MYOF: variants seen among roughly 807,000 people sequenced by gnomAD.
The protein encoded by MYOF is myoferlin.
A neutral mutation model predicts 284.2 loss-of-function variants in MYOF; 244 were observed. The ratio of observed to expected loss-of-function variants is 0.86; its 90% CI spans 0.77 to 0.95. MYOF has a LOEUF of 0.95. Ranked by LOEUF, MYOF falls within the 40% of genes least tolerant of loss-of-function variation. The pLI is 0.00. For missense variants in MYOF, 2,496 were observed against 2,560.6 expected, an observed-to-expected ratio of 0.97 and a Z score of 0.54; for synonymous variants, 904 against 919.7, an observed-to-expected ratio of 0.98 and a Z score of 0.31.
At chr10:93,450,407 A>C (rs2056557712) in intron 3 of MYOF, among the ~76,000 whole-genome samples, 1 of 150,430 alleles carries the variant, frequency 6.6e-6, no homozygotes, top group Non-Finnish European at 1.5e-5. Context: ...ACAAACAAAC[A>C]AACAAAAACC....
chr10:93,413,431 C>T (rs1309274770), intron 5 of MYOF, among the ~76,000 whole-genome samples: 1 of 152,194 alleles, frequency 6.6e-6, no homozygotes, highest in African/African-American at 2.4e-5. Context: ...AATGAGGGGG[C>T]CCCTATGGCA....
chr10:93,355,954 C>G (rs1387422087), intron 30 of MYOF, among the ~76,000 whole-genome samples: 1 of 152,158 alleles, frequency 6.6e-6, no homozygotes, highest in East Asian at 1.9e-4. Flanking sequence ...AAGTGGGAGC[C>G]AGCCCTCCTA....
At chr10:93,373,485 T>A (rs1291625768) in intron 23 of MYOF, among the ~76,000 whole-genome samples, 1 of 151,756 alleles carries the variant, frequency 6.6e-6, no homozygotes, top group Non-Finnish European at 1.5e-5. Context: ...CCAATATTTG[T>A]CAAATCTGAA....
intron 13 of MYOF, 105 bp downstream of exon 13, chr10:93,399,287 A>C: frequency 1.2e-6 from 1 of 826,460 alleles, no homozygotes; most frequent in Non-Finnish European, 1.9e-6. Context: ...CTGGCTCATC[A>C]GGGGGCTATT....
intron 43 of MYOF, among the ~76,000 whole-genome samples, chr10:93,332,616 C>T (rs978537058): frequency 2.0e-5 from 3 of 151,352 alleles, no homozygotes; most frequent in Non-Finnish European, 4.4e-5. Context: ...GAGGGCGAGG[C>T]GGGCAGATCA....
intron 40 of MYOF, among the ~76,000 whole-genome samples, 191 bp from the exon 41 acceptor site, chr10:93,336,237 C>G (rs1307394827): frequency 1.3e-5 from 2 of 152,134 alleles, no homozygotes; most frequent in Non-Finnish European, 2.9e-5. Flanking sequence ...AGTTAAGTAG[C>G]CACCTATTCT....
At chr10:93,423,892 G>C (rs2134183133) in intron 5 of MYOF, among the ~76,000 whole-genome samples, 1 of 151,798 alleles carries the variant, frequency 6.6e-6, no homozygotes, top group South Asian at 2.1e-4. Flanking sequence ...AGATCCTTGA[G>C]CCACTCAGGA....
chr10:93,359,839 G>A lies in MYOF; in HGVS notation c.3114C>T (p.Thr1038=), dbSNP rs750971795. The part of the protein sequence containing the change: ...KKDLTQTASS[T]ARAMEELQDQ... ...CTTCCCTTGCTTCTCTTACCCTTGC[G>A]GTGCTTGAAGCAGTCTGTGTTAAAT... is the stretch of plus-strand genomic sequence containing the variant. Residue 1038 remains threonine (T), a synonymous_variant, in exon 29 of 54, where the codon ACC becomes ACT. Coordinates refer to ENST00000359263, the MANE Select transcript of MYOF (RefSeq NM_013451.4). The A allele has an allele frequency of 9.3e-6, 15 of 1,614,018 alleles. No homozygotes were observed. In the African/African-American group the frequency reaches 1.1e-4, roughly 11 times the overall value.
At chr10:93,453,929 T>C (rs2056666460) in intron 2 of MYOF, among the ~76,000 whole-genome samples, 1 of 151,562 alleles carries the variant, frequency 6.6e-6, no homozygotes, top group African/African-American at 2.4e-5. Context: ...ATGCCTGTAA[T>C]CCCAGCACTT....
intron 17 of MYOF, among the ~76,000 whole-genome samples, 157 bp from the exon 18 acceptor site, chr10:93,389,311 T>C (rs1412766126): frequency 6.6e-6 from 1 of 152,224 alleles, no homozygotes; most frequent in Non-Finnish European, 1.5e-5. Context: ...TTGCCATATT[T>C]CTCTTTTCTT....
At chr10:93,409,532 T>A (rs138657834) in intron 6 of MYOF, 41 bp downstream of exon 6, 10 of 1,598,618 alleles carry the variant, frequency 6.3e-6, no homozygotes, top group Non-Finnish European at 7.7e-6. Flanking sequence ...ATGGGCAATA[T>A]AAAGATTAAA....
chr10:93,316,918 C>A, intron 49 of MYOF, 105 bp from the exon 50 acceptor site: 1 of 818,920 alleles, frequency 1.2e-6, no homozygotes, highest in South Asian at 1.6e-5. Flanking sequence ...CACCCCCACC[C>A]TGACACTCCC....
intron 1 of MYOF, among the ~76,000 whole-genome samples, chr10:93,477,819 C>T (rs1186566133): frequency 1.3e-5 from 2 of 152,182 alleles, no homozygotes; most frequent in African/African-American, 4.8e-5. Context: ...TGCACTCCAG[C>T]CTGGGTGACA....
intron 45 of MYOF, among the ~76,000 whole-genome samples, chr10:93,327,335 A>G (rs976344149): frequency 6.6e-6 from 1 of 152,096 alleles, no homozygotes; most frequent in Non-Finnish European, 1.5e-5. Flanking sequence ...TGAGCCACCC[A>G]GGCTCAAACC....
intron 18 of MYOF, among the ~76,000 whole-genome samples, chr10:93,388,137 G>A (rs73319664): frequency 0.029 from 4,391 of 150,558 alleles, 221 homozygotes; most frequent in African/African-American, 0.1. Flanking sequence ...GGATGCTAGG[G>A]CTGAAAAAGA....
intron 5 of MYOF, among the ~76,000 whole-genome samples, chr10:93,425,460 C>G (rs1353154032): frequency 1.3e-5 from 2 of 152,186 alleles, no homozygotes; most frequent in South Asian, 4.1e-4. Flanking sequence ...CCTGAGCCCT[C>G]AGCCCCAACC....
chr10:93,337,752 T>C, intron 40 of MYOF, 63 bp downstream of exon 40: 1 of 1,403,534 alleles, frequency 7.1e-7, no homozygotes, highest in Non-Finnish European at 1.0e-6. Flanking sequence ...TCCTCTTAGC[T>C]CTGCCTGTGG....
At chr10:93,462,738 C>CA (rs199830883) in intron 1 of MYOF, among the ~76,000 whole-genome samples, 7,294 of 116,672 alleles carry the variant, frequency 0.063, 384 homozygotes, top group East Asian at 0.27. Context: ...ACACATCAGG[C>CA]AAAAAAAAAA....
intron 3 of MYOF, among the ~76,000 whole-genome samples, chr10:93,433,004 G>A (rs145723108): frequency 6.7e-4 from 102 of 152,244 alleles, no homozygotes; most frequent in African/African-American, 2.3e-3. Context: ...GTGAAAAAGA[G>A]CCTGTAAATT....
Sources: allele counts gnomAD v4.1 joint callset (sites outside exome capture counted in the v4.1 genomes callset), GRCh38; gene constraint gnomAD v4.1.1; transcripts MANE v1.5; gene names NCBI Gene and HGNC (gene_info 2026-07-23, HGNC 2026-07-21).